The following CADM2 variants were observed in gnomAD, a reference collection of about 807,000 sequenced individuals.
CADM2 encodes the protein immunoglobulin superfamily member 4D.
CADM2 carries 12 observed loss-of-function variants against 49.8 expected under a neutral mutation model. The ratio of observed to expected loss-of-function variants is 0.24; its 90% CI spans 0.15 to 0.39. The LOEUF (loss-of-function observed/expected upper bound fraction) is 0.39. Among genes scored for constraint, CADM2 ranks in the 10% least tolerant of loss-of-function variants. CADM2 has a pLI of 1.00. For missense variants in CADM2, 378 were observed against 492.3 expected (o/e 0.77, Z 2.20); for synonymous variants, 214 against 175.4 (o/e 1.22, Z -1.74).
At chr3:85,898,250 C>T (rs1055790354) in intron 5 of CADM2, among the ~76,000 whole-genome samples, 6 of 152,054 alleles carry the variant, frequency 3.9e-5, no homozygotes, top group Admixed American at 3.9e-4. Flanking sequence ...CATTGAGAGT[C>T]TTTACTTTTT....
chr3:85,497,375 G>A (rs551051639), intron 1 of CADM2, among the ~76,000 whole-genome samples: 32 of 152,012 alleles, frequency 2.1e-4, no homozygotes, highest in African/African-American at 6.0e-4. Context: ...GCCTATAGGC[G>A]TCATTACATT....
intron 1 of CADM2, among the ~76,000 whole-genome samples, chr3:85,005,060 C>T (rs1028216999): frequency 6.6e-6 from 1 of 152,038 alleles, no homozygotes; most frequent in African/African-American, 2.4e-5. Context: ...AATTTATAGC[C>T]CCTCCAATGA....
intron 8 of CADM2, among the ~76,000 whole-genome samples, chr3:85,990,297 T>G (rs1292608428): frequency 2.0e-5 from 3 of 152,118 alleles, no homozygotes; most frequent in African/African-American, 7.2e-5. Context: ...AAGATAAGCT[T>G]TGGGTTAGAT....
At chr3:85,084,351 G>GC (rs1167075940) in intron 1 of CADM2, among the ~76,000 whole-genome samples, 1 of 152,142 alleles carries the variant, frequency 6.6e-6, no homozygotes, top group Non-Finnish European at 1.5e-5. Flanking sequence ...ATAGTAAACT[G>GC]CCTTCGTTCA....
At chr3:85,077,716 GATT>G (rs1225405493) in intron 1 of CADM2, among the ~76,000 whole-genome samples, 2 of 151,968 alleles carry the variant, frequency 1.3e-5, no homozygotes. Context: ...AAGTAAATGA[GATT>G]ATATATTTAA....
At chr3:85,101,612 T>C (rs1239425404) in intron 1 of CADM2, among the ~76,000 whole-genome samples, 1 of 152,232 alleles carries the variant, frequency 6.6e-6, no homozygotes, top group African/African-American at 2.4e-5. Flanking sequence ...ATTTGTCTAA[T>C]CAATTTCTTT....
intron 1 of CADM2, among the ~76,000 whole-genome samples, chr3:85,085,805 G>A (rs977500825): frequency 2.0e-5 from 3 of 152,120 alleles, no homozygotes; most frequent in South Asian, 2.1e-4. Flanking sequence ...AATTAATTCC[G>A]CAAACTATAT....
chr3:86,003,584 G>A (rs1730432703), intron 8 of CADM2, among the ~76,000 whole-genome samples: 1 of 152,052 alleles, frequency 6.6e-6, no homozygotes, highest in Non-Finnish European at 1.5e-5. Context: ...TATTATATAT[G>A]GAATAATCTC....
chr3:85,222,325 G>A (rs184118742), intron 1 of CADM2, among the ~76,000 whole-genome samples: 109 of 152,246 alleles, frequency 7.2e-4, no homozygotes, highest in Admixed American at 1.3e-3. Context: ...AACATGGCAG[G>A]AGTATTAAGA....
chr3:85,322,883 G>T (rs1172021899), intron 1 of CADM2, among the ~76,000 whole-genome samples: 1 of 152,034 alleles, frequency 6.6e-6, no homozygotes, highest in African/African-American at 2.4e-5. Flanking sequence ...TAATCCTGAA[G>T]AAAATAGATA....
At chr3:85,959,687 T>G (rs1023200151) in intron 7 of CADM2, among the ~76,000 whole-genome samples, 1 of 151,898 alleles carries the variant, frequency 6.6e-6, no homozygotes, top group Non-Finnish European at 1.5e-5. Flanking sequence ...AATACTGTAT[T>G]TTTACTATAC....
chr3:85,661,186 T>C (rs11127905), intron 1 of CADM2, among the ~76,000 whole-genome samples: 107,374 of 151,940 alleles, frequency 0.71, 38,015 homozygotes, highest in East Asian at 0.8. Flanking sequence ...ATAAATAACA[T>C]CAACACATAG....
At chr3:85,195,542 G>GAC (rs71108270) in intron 1 of CADM2, among the ~76,000 whole-genome samples, 25,483 of 146,802 alleles carry the variant, frequency 0.17, 2,300 homozygotes, top group East Asian at 0.23. Flanking sequence ...AAACCAGCAA[G>GAC]ACACACACAC....
intron 1 of CADM2, among the ~76,000 whole-genome samples, chr3:85,407,443 C>T (rs894764102): frequency 2.6e-5 from 4 of 152,216 alleles, no homozygotes; most frequent in South Asian, 2.1e-4. Flanking sequence ...TTTACACAAC[C>T]GCTTCTACCA....
At chr3:85,575,311 G>T (rs1481765660) in intron 1 of CADM2, among the ~76,000 whole-genome samples, 1 of 152,210 alleles carries the variant, frequency 6.6e-6, no homozygotes, top group Non-Finnish European at 1.5e-5. Flanking sequence ...CAGCACTTTG[G>T]TAGGCCAAGG....
intron 8 of CADM2, among the ~76,000 whole-genome samples, chr3:86,040,216 G>A (rs1047651786): frequency 2.0e-5 from 3 of 152,272 alleles, no homozygotes; most frequent in Non-Finnish European, 2.9e-5. Flanking sequence ...ACCAGCAACA[G>A]AACAAAGTAG....
At chr3:85,244,083 C>T (rs1191694322) in intron 1 of CADM2, among the ~76,000 whole-genome samples, 1 of 151,948 alleles carries the variant, frequency 6.6e-6, no homozygotes, top group Non-Finnish European at 1.5e-5. Context: ...GGAATCTCAG[C>T]CTTTTATGTT....
chr3:85,309,496 T>C (rs1163649529), intron 1 of CADM2, among the ~76,000 whole-genome samples: 2 of 152,178 alleles, frequency 1.3e-5, no homozygotes, highest in Non-Finnish European at 2.9e-5. Flanking sequence ...ATGAGATTGC[T>C]GGGATATTCA....
chr3:85,964,645 T>G (rs901554084), intron 8 of CADM2, among the ~76,000 whole-genome samples: 3 of 151,688 alleles, frequency 2.0e-5, no homozygotes, highest in African/African-American at 7.3e-5. Context: ...AGTCTAAAAT[T>G]TATCCTCAAT....
Sources: allele counts gnomAD v4.1 joint callset (sites outside exome capture counted in the v4.1 genomes callset), GRCh38; gene constraint gnomAD v4.1.1; transcripts MANE v1.5; gene names NCBI Gene and HGNC (gene_info 2026-07-23, HGNC 2026-07-21).